Variants in IL2RA observed in about 807,000 individuals in gnomAD.
IL2RA encodes interleukin 2 receptor subunit alpha, also known as interleukin-2 receptor subunit alpha.
IL2RA carries 24 observed loss-of-function variants against 37.8 expected under a neutral mutation model. The observed-to-expected ratio is 0.63, with a 90% CI of 0.46 to 0.89. The LOEUF (loss-of-function observed/expected upper bound fraction) is 0.89. Ranked by LOEUF, IL2RA falls within the 40% of genes least tolerant of loss-of-function variation. The probability of loss-of-function intolerance (pLI) is 0.00; values close to 1 mark genes in which losing one functional copy is unlikely to be tolerated. For synonymous variants in IL2RA, 125 were observed against 114.6 expected (o/e 1.09, Z -0.58); for missense variants, 319 against 348.6 (o/e 0.92, Z 0.68).
chr10:6,051,512 TATATA>T (rs373347349), intron 1 of IL2RA, among the ~76,000 whole-genome samples: 42,071 of 105,328 alleles, frequency 0.4, 6,967 homozygotes, highest in Middle Eastern at 0.49. Context: ...TATATATATA[TATATA>T]TTTTTTTTCT....
chr10:6,028,212 G>A lies in IL2RA; in HGVS notation c.65-2187C>T, dbSNP rs1045900073. Among the ~76,000 whole-genome samples the A allele has an allele frequency of 2.0e-5, 3 of 152,028 alleles. No homozygotes were observed. The highest frequency in any genetic ancestry group is 4.4e-5 in the Non-Finnish European group (3 of 68,020). The stretch of plus-strand genomic sequence containing the variant: ...TGACATGACTGGGATTTGTGGGGTG[G>A]GGCTCTGGAGAGGACACTGCATGAA... On this transcript the variant is annotated intron_variant, in intron 1 of 7. Coordinates refer to ENST00000379959, the MANE Select transcript of IL2RA (RefSeq NM_000417.3). This position sits in a 1 kb window ranked among gnomAD's most constrained non-coding sequence, Gnocchi z 4.1.
Position 6,047,835 on chromosome 10 carries a change from ACAT to A in IL2RA, c.64+14250_64+14252del, listed in dbSNP as rs1839890977. Among the ~76,000 whole-genome samples, 2 of 151,108 alleles carry A rather than the reference ACAT, an allele frequency of 1.3e-5. No individual in the cohort carries two copies. The highest frequency in any genetic ancestry group is 4.8e-5 in the African/African-American group (2 of 41,240). On this transcript the variant is annotated intron_variant, in intron 1 of 7. Transcript: ENST00000379959. The surrounding 1 kb of genome is among the most constrained non-coding windows in gnomAD (Gnocchi z 5.0). ...ATATGATAAATATATATAATAAAAG[ACAT>A]CATACACTAATAGAGTATAATAGTC...
intron 3 of IL2RA, among the ~76,000 whole-genome samples, chr10:6,023,528 G>T (rs1233216897): frequency 6.6e-6 from 1 of 152,142 alleles, no homozygotes; most frequent in African/African-American, 2.4e-5. Flanking sequence ...TAGAGACAAG[G>T]TTTCACCATG....
chr10:6,027,763 T>C (rs1839508843), intron 1 of IL2RA, among the ~76,000 whole-genome samples: 2 of 152,232 alleles, frequency 1.3e-5, no homozygotes. Context: ...GAGACTGGAC[T>C]GAAGTTTACC....
Position 6,021,015 on chromosome 10 carries a change from G to A in IL2RA, c.583+463C>T, listed in dbSNP as rs1384200718. ...TTTTATGTTTATTTTTACAAGCTCA[G>A]CTGGGGAATGGCACAAGGGGAAGGA... On this transcript the variant is annotated intron_variant, in intron 4 of 7. Coordinates refer to ENST00000379959, the MANE Select transcript of IL2RA (RefSeq NM_000417.3). This position sits in a 1 kb window ranked among gnomAD's most constrained non-coding sequence, Gnocchi z 4.9. 2.0e-5 allele frequency among the ~76,000 whole-genome samples: 3 copies of A among 152,084 alleles called. No homozygotes were observed. The highest frequency in any genetic ancestry group is 4.4e-5 in the Non-Finnish European group (3 of 68,018).
intron 3 of IL2RA, 33 bp downstream of exon 3, chr10:6,024,211 A>G (rs775602474): frequency 1.5e-5 from 20 of 1,377,804 alleles, no homozygotes; most frequent in Non-Finnish European, 2.1e-6. Flanking sequence ...GTGCGCTAGC[A>G]GGAGTTAGCT....
rs185043457 is a variant in IL2RA at position 6,048,751 on chromosome 10, C to A, written c.64+13337G>T. Among the ~76,000 whole-genome samples the A allele has an allele frequency of 1.3e-3, 194 of 152,308 alleles. No homozygotes were observed. Among genetic ancestry groups the A allele is most frequent in the Non-Finnish European group, 2.3e-3 (159 of 68,032 alleles). On this transcript the variant is annotated intron_variant, in intron 1 of 7. Coordinates refer to ENST00000379959, the MANE Select transcript of IL2RA (RefSeq NM_000417.3). The surrounding 1 kb of genome is among the most constrained non-coding windows in gnomAD (Gnocchi z 5.3). ...TTCTTCCTTCATTCTTCACATAAAC[C>A]CAATGCTGTCTCTCCAAAGTACAAG... is the stretch of plus-strand genomic sequence containing the variant.
In IL2RA at chr10:6,047,873, A is replaced by G. The variant is rs1839891588; in HGVS notation, c.64+14215T>C. Among the ~76,000 whole-genome samples the G allele has an allele frequency of 6.6e-6, 1 of 151,984 alleles. No homozygotes were observed. The highest frequency in any genetic ancestry group is 2.4e-5 in the African/African-American group (1 of 41,410). On this transcript the variant is annotated intron_variant, in intron 1 of 7. Coordinates refer to ENST00000379959, the MANE Select transcript of IL2RA (RefSeq NM_000417.3). This position sits in a 1 kb window ranked among gnomAD's most constrained non-coding sequence, Gnocchi z 5.0. ...ATAGAGTATAATAGTCAATATAATT[A>G]AAATTATTACTTATGCAGTAATTAA...
intron 1 of IL2RA, among the ~76,000 whole-genome samples, chr10:6,045,224 C>T (rs1168700782): frequency 6.6e-6 from 1 of 152,186 alleles, no homozygotes; most frequent in African/African-American, 2.4e-5. Context: ...GTCAAATAGT[C>T]AGAGTTTCCG....
In IL2RA at chr10:6,012,878, T is replaced by C. The variant is rs775980513; in HGVS notation, c.813A>G (p.Thr271=). 9.3e-6 allele frequency: 15 copies of C among 1,614,116 alleles called. No homozygotes were observed. Among genetic ancestry groups the C allele is most frequent in the Non-Finnish European group, 1.2e-5 (14 of 1,179,934 alleles). ...WQRRQRKSRR[T]I The stretch of plus-strand genomic sequence containing the variant: ...TTCTTGTTCTTTTGGTTTTCTAGAT[T>C]GTTCTTCTACTCTTCCTCCTGTAGT... The change falls in exon 8 of 8, where the codon ACA becomes ACG. Residue 271 remains threonine, a synonymous_variant. Transcript: ENST00000379959. This position sits in a 1 kb window ranked among gnomAD's most constrained non-coding sequence, Gnocchi z 4.8.
Position 6,012,743 on chromosome 10 carries a change from C to T in IL2RA, c.*129G>A. 1 of 971,732 alleles carries T rather than the reference C, an allele frequency of 1.0e-6. No individual in the cohort carries two copies. The highest frequency in any genetic ancestry group is 1.3e-5 in the South Asian group (1 of 76,578). 60.2% of individuals were successfully genotyped at this position (971,732 alleles called of 1,614,324 possible). A position where few individuals can be genotyped will look rare whatever the true frequency, so the allele number is the denominator to read the frequency against. Reference sequence around the variant, plus strand: ...GTCCTGTGATGTGACTTCAGAGCTTCCAAAACGCAGGCAAGCACAACGGAT... The same window carrying T: ...GTCCTGTGATGTGACTTCAGAGCTTTCAAAACGCAGGCAAGCACAACGGAT... On this transcript the variant is annotated 3_prime_UTR_variant, in exon 8 of 8. Coordinates refer to ENST00000379959, the MANE Select transcript of IL2RA (RefSeq NM_000417.3). The surrounding 1 kb of genome is among the most constrained non-coding windows in gnomAD (Gnocchi z 4.8).
chr10:6,055,156 C>T (rs1022638632), intron 1 of IL2RA, among the ~76,000 whole-genome samples: 2 of 152,212 alleles, frequency 1.3e-5, no homozygotes, highest in Middle Eastern at 6.3e-3. Context: ...AACCCCTGAC[C>T]TCCCGAGTCA....
intron 1 of IL2RA, among the ~76,000 whole-genome samples, chr10:6,051,516 TA>T (rs113111052): frequency 0.013 from 321 of 25,346 alleles, 2 homozygotes; most frequent in Middle Eastern, 0.081. Context: ...TATATATATA[TA>T]TTTTTTTTCT....
At chr10:6,045,309 CA>C (rs1839832832) in intron 1 of IL2RA, among the ~76,000 whole-genome samples, 1 of 152,116 alleles carries the variant, frequency 6.6e-6, no homozygotes, top group African/African-American at 2.4e-5. Context: ...ACTTGTTAAA[CA>C]ACAACGAAAT....
At chr10:6,045,796 C>T (rs541216424) in intron 1 of IL2RA, among the ~76,000 whole-genome samples, 10 of 152,192 alleles carry the variant, frequency 6.6e-5, no homozygotes, top group Admixed American at 6.5e-4. Context: ...ATTTTCAACT[C>T]AACGGAATTT....
At chr10:6,060,157 C>A (rs1342016063) in intron 1 of IL2RA, among the ~76,000 whole-genome samples, 1 of 152,184 alleles carries the variant, frequency 6.6e-6, no homozygotes, top group East Asian at 1.9e-4. Context: ...TTGGCTTAGA[C>A]TGAGTTAGCA....
intron 1 of IL2RA, among the ~76,000 whole-genome samples, chr10:6,061,469 T>A (rs1840121433): frequency 6.6e-6 from 1 of 152,194 alleles, no homozygotes. Context: ...ATACATATCA[T>A]GTATATACAT....
intron 1 of IL2RA, among the ~76,000 whole-genome samples, chr10:6,050,169 A>G (rs1839927716): frequency 6.6e-6 from 1 of 152,214 alleles, no homozygotes; most frequent in Admixed American, 6.5e-5. Context: ...TAACAGGGTG[A>G]CTGAAAACCA....
rs1840063272 is a variant in IL2RA, at chr10:6,057,451, T to C, written c.64+4637A>G. ...CAAAGTTCCCCAGCTTGAAAATGCC[T>C]TTTAAGCAGAGCTTATTTTATTTCC... is the stretch of plus-strand genomic sequence containing the variant. On this transcript the variant is annotated intron_variant, in intron 1 of 7. Coordinates refer to ENST00000379959, the MANE Select transcript of IL2RA (RefSeq NM_000417.3). This position sits in a 1 kb window ranked among gnomAD's most constrained non-coding sequence, Gnocchi z 4.8. Among the ~76,000 whole-genome samples, 1 of 152,218 alleles carries C rather than the reference T, an allele frequency of 6.6e-6. No individual in the cohort carries two copies. Among genetic ancestry groups the C allele is most frequent in the African/African-American group, 2.4e-5 (1 of 41,448 alleles).
Sources: allele counts gnomAD v4.1 joint callset (sites outside exome capture counted in the v4.1 genomes callset), GRCh38; gene constraint gnomAD v4.1.1; non-coding constraint Gnocchi (gnomAD v3.1); transcripts MANE v1.5; gene names NCBI Gene and HGNC (gene_info 2026-07-23, HGNC 2026-07-21).